CELF1: variants seen among roughly 807,000 people sequenced by gnomAD.
CELF1 encodes the protein 50 kDa nuclear polyadenylated RNA-binding protein.
CELF1 carries 10 observed loss-of-function variants against 61.8 expected under a neutral mutation model. That is an observed-to-expected ratio of 0.16 (90% CI 0.10 to 0.27). CELF1 has a LOEUF of 0.27. Among genes scored for constraint, CELF1 ranks in the 10% least tolerant of loss-of-function variants. CELF1 has a pLI of 1.00. For synonymous variants in CELF1, 236 were observed against 225.1 expected, an observed-to-expected ratio of 1.05 and a Z score of -0.43; for missense variants, 380 against 639.1, an observed-to-expected ratio of 0.59 and a Z score of 4.37.
intron 1 of CELF1, among the ~76,000 whole-genome samples, chr11:47,519,479 CTAAATAAATAAATAAATAAATAAA>C (rs59610157): frequency 9.9e-4 from 144 of 145,026 alleles, no homozygotes; most frequent in Admixed American, 3.7e-3. Context: ...GACTCCATCT[CTAAATAAATAAATAAATAAATAAA>C]TAAATAAATA....
chr11:47,519,428 T>G (rs2095744054), intron 1 of CELF1, among the ~76,000 whole-genome samples: 1 of 151,812 alleles, frequency 6.6e-6, no homozygotes, highest in Non-Finnish European at 1.5e-5. Flanking sequence ...TGCAGTGAGC[T>G]GAGATCACAC....
In CELF1 at chr11:47,515,138, A is replaced by C. The variant is rs548386203; in HGVS notation, c.-153-14206T>G. ...TGCACAGCTTTCTCTGGGCAGAATT[A>C]CTAACGCTTCTACCTATCATTGCAG... On this transcript the variant is annotated intron_variant, in intron 1 of 14. Transcript: ENST00000687097. Among the ~76,000 whole-genome samples the C allele has an allele frequency of 5.9e-5, 9 of 152,368 alleles. No individual in the cohort carries two copies. In the South Asian group the frequency reaches 1.9e-3, roughly 32 times the overall value.
At chr11:47,499,110 C>A (rs1220213953) in intron 3 of CELF1, among the ~76,000 whole-genome samples, 1 of 152,010 alleles carries the variant, frequency 6.6e-6, no homozygotes, top group African/African-American at 2.4e-5. Flanking sequence ...AATTGCATGT[C>A]CAACCCAAAG....
At chr11:47,513,194 TGTTA>T (rs1426182740) in intron 1 of CELF1, among the ~76,000 whole-genome samples, 1 of 152,228 alleles carries the variant, frequency 6.6e-6, no homozygotes, top group Admixed American at 6.5e-5. Flanking sequence ...TTTAAAATGT[TGTTA>T]GTGATTTTAA....
Position 47,533,814 on chromosome 11 carries a change from A to C in CELF1, c.-154+19178T>G, listed in dbSNP as rs1349573277. On this transcript the variant is annotated intron_variant, in intron 1 of 14. Transcript: ENST00000687097. ...AATAGAGCGAGACTCTCCCCCAAAA[A>C]AAAAAAAAAAAAAAAAAGGAATATT... 1.3e-3 allele frequency among the ~76,000 whole-genome samples: 190 copies of C among 146,090 alleles called. 1 individual carries two copies. The highest frequency in any genetic ancestry group is 4.6e-3 in the African/African-American group (174 of 37,636).
In CELF1 at chr11:47,472,152, A is replaced by G; in HGVS notation, c.*78T>C. ...TCCAGGGCTGTCAACACACAGCCTCAGGGCTTCGAATCATTAAGGGTGCTC... is the reference window on the plus strand; with the variant it reads ...TCCAGGGCTGTCAACACACAGCCTCGGGGCTTCGAATCATTAAGGGTGCTC... On this transcript the variant is annotated 3_prime_UTR_variant, in exon 15 of 15. Transcript: ENST00000687097. The G allele has an allele frequency of 1.3e-6, 2 of 1,554,880 alleles. No individual in the cohort carries two copies. Among genetic ancestry groups the G allele is most frequent in the Non-Finnish European group, 1.8e-6 (2 of 1,136,090 alleles).
chr11:47,540,132 T>C lies in CELF1; in HGVS notation c.-154+12860A>G, dbSNP rs184804191. 3.3e-5 allele frequency among the ~76,000 whole-genome samples: 5 copies of C among 152,230 alleles called. No homozygotes were observed. The East Asian group carries it at 9.6e-4, about 29-fold the overall frequency. On this transcript the variant is annotated intron_variant, in intron 1 of 14. Transcript: ENST00000687097. ...AACCACTCCCCTAAAGTATATGCAA[T>C]ACACTAAGCAGTAAGGCAGTTTCCA...
rs2080473600 is a variant in CELF1 at position 47,476,941 on chromosome 11, G to A, written c.992C>T (p.Ser331Phe). 1 of 1,613,946 alleles carries A rather than the reference G, an allele frequency of 6.2e-7. No individual in the cohort carries two copies. The highest frequency in any genetic ancestry group is 1.3e-5 in the African/African-American group (1 of 74,932). ...GGGGTTGACAGAATTACTGCTGCTA[G>A]AGCTAGGTGAGGACCCTGCTATTAG... ...LTSSAGSSPS[S>F]SSSNSVNPIA... The change falls in exon 12 of 15, where the codon TCT becomes TTT. Residue 331 changes from serine to phenylalanine, a missense_variant. Coordinates refer to ENST00000687097, the MANE Select transcript of CELF1 (RefSeq NM_001376376.1).
In CELF1 at chr11:47,558,574, AAT is replaced by A. The variant is rs199671039; in HGVS notation, c.-11+5775_-11+5776del. 2.0e-3 allele frequency among the ~76,000 whole-genome samples: 218 copies of A among 108,284 alleles called. 1 individual carries two copies. The highest frequency in any genetic ancestry group is 8.3e-3 in the African/African-American group (210 of 25,250). 71.0% of individuals were successfully genotyped at this position (108,284 alleles called of 152,430 possible). On this transcript the variant is annotated intron_variant, in intron 2 of 3. Transcript: ENST00000525841. ...TATATATATTTATATATAATATATA[AAT>A]ATATATATATATTTATATTATATAT...
intron 1 of CELF1, among the ~76,000 whole-genome samples, chr11:47,510,619 T>C (rs1287192942): frequency 1.3e-5 from 2 of 152,014 alleles, no homozygotes; most frequent in Non-Finnish European, 2.9e-5. Flanking sequence ...CCCAAGTAGC[T>C]TGAACTACAG....
chr11:47,542,106 G>A (rs917903300), intron 1 of CELF1, among the ~76,000 whole-genome samples: 1 of 152,090 alleles, frequency 6.6e-6, no homozygotes, highest in African/African-American at 2.4e-5. Context: ...GCGGTGGCGT[G>A]CGTCTGTAAT....
intron 3 of CELF1, among the ~76,000 whole-genome samples, chr11:47,494,091 G>A (rs1484105626): frequency 2.0e-5 from 3 of 152,220 alleles, no homozygotes; most frequent in Non-Finnish European, 4.4e-5. Context: ...GTTCCCTGGA[G>A]AAGTATCTAT....
At chr11:47,555,048 T>C (rs2097201603), upstream of CELF1, among the ~76,000 whole-genome samples, 1 of 152,206 alleles carries the variant, frequency 6.6e-6, no homozygotes, top group African/African-American at 2.4e-5. Flanking sequence ...TTCATGAGGA[T>C]AGAGGTTTTG....
chr11:47,511,473 A>G (rs1469841383), intron 1 of CELF1, among the ~76,000 whole-genome samples: 1 of 152,240 alleles, frequency 6.6e-6, no homozygotes, highest in Non-Finnish European at 1.5e-5. Context: ...CTTTAGAATC[A>G]ATGTATTTAA....
intron 7 of CELF1, 118 bp downstream of exon 7, chr11:47,484,271 C>T (rs886291152): frequency 1.1e-5 from 12 of 1,054,260 alleles, no homozygotes; most frequent in Admixed American, 2.6e-5. Context: ...GTTGTGAAGG[C>T]ACCACTGCAC....
At chr11:47,559,799 C>T (rs1271062468) in intron 2 of CELF1, among the ~76,000 whole-genome samples, 2 of 151,908 alleles carry the variant, frequency 1.3e-5, no homozygotes, top group Non-Finnish European at 2.9e-5. Flanking sequence ...GTCAGGAGTT[C>T]GAGACCAGCC....
chr11:47,504,768 G>A (rs927595062), intron 1 of CELF1, among the ~76,000 whole-genome samples: 1 of 150,588 alleles, frequency 6.6e-6, no homozygotes, highest in Non-Finnish European at 1.5e-5. Context: ...CGGATGTGGT[G>A]GCAGGTGCCT....
intron 1 of CELF1, among the ~76,000 whole-genome samples, chr11:47,520,232 A>C (rs1346493204): frequency 6.6e-6 from 1 of 152,204 alleles, no homozygotes; most frequent in Admixed American, 6.5e-5. Flanking sequence ...GAAAGACTTA[A>C]AAAATCTCAG....
At chr11:47,514,216 T>A (rs531018413) in intron 1 of CELF1, among the ~76,000 whole-genome samples, 3 of 152,218 alleles carry the variant, frequency 2.0e-5, no homozygotes, top group East Asian at 3.9e-4. Context: ...TGAGCCACCA[T>A]GTCTGGCCTC....
Sources: allele counts gnomAD v4.1 joint callset (sites outside exome capture counted in the v4.1 genomes callset), GRCh38; gene constraint gnomAD v4.1.1; transcripts MANE v1.5; gene names NCBI Gene and HGNC (gene_info 2026-07-23, HGNC 2026-07-21).